USP13: variants seen among roughly 807,000 people sequenced by gnomAD.
USP13 encodes the protein ubiquitin specific peptidase 13, also known as ubiquitin carboxyl-terminal hydrolase 13.
A neutral mutation model predicts 107.8 loss-of-function variants in USP13; 68 were observed. The observed-to-expected ratio is 0.63, with a 90% CI of 0.52 to 0.77. USP13 has a LOEUF of 0.77. Among genes scored for constraint, USP13 ranks in the 30% least tolerant of loss-of-function variants. The pLI, the probability that USP13 is intolerant of heterozygous loss-of-function variation, is 0.00. For synonymous variants in USP13, 377 were observed against 389.5 expected (o/e 0.97, Z 0.38); for missense variants, 945 against 1,093.3 (o/e 0.86, Z 1.91).
At chr3:179,718,434 G>C (rs1713183712) in intron 6 of USP13, among the ~76,000 whole-genome samples, 1 of 152,084 alleles carries the variant, frequency 6.6e-6, no homozygotes, top group Admixed American at 6.5e-5. Flanking sequence ...TGGGATTACA[G>C]ATGTGAGCCA....
chr3:179,704,086 G>C (rs1196353623), intron 4 of USP13, among the ~76,000 whole-genome samples: 2 of 152,154 alleles, frequency 1.3e-5, no homozygotes, highest in Non-Finnish European at 2.9e-5. Flanking sequence ...ATAGTTCACA[G>C]TGTGATTACA....
chr3:179,769,319 A>G (rs1354737145), intron 19 of USP13, among the ~76,000 whole-genome samples: 1 of 152,246 alleles, frequency 6.6e-6, no homozygotes, highest in African/African-American at 2.4e-5. Context: ...TTAATTAGGT[A>G]TCATTTAAAT....
chr3:179,714,900 T>G (rs905094677), intron 6 of USP13, among the ~76,000 whole-genome samples: 1 of 148,704 alleles, frequency 6.7e-6, no homozygotes, highest in African/African-American at 2.5e-5. Flanking sequence ...AGGCAGGGTC[T>G]CACTCTGTTG....
chr3:179,686,124 G>A (rs1711864237), intron 2 of USP13, among the ~76,000 whole-genome samples: 1 of 152,124 alleles, frequency 6.6e-6, no homozygotes, highest in Non-Finnish European at 1.5e-5. Flanking sequence ...CTTCTAGTCT[G>A]TATCCTGTCC....
Position 179,740,264 on chromosome 3 carries a change from C to T in USP13, c.1272C>T (p.Ile424=), listed in dbSNP as rs763565449. 1.9e-5 allele frequency: 30 copies of T among 1,614,080 alleles called. 1 individual carries two copies. The Middle Eastern group carries it at 4.9e-4, about 27-fold the overall frequency. The stretch of plus-strand genomic sequence containing the variant: ...TACATTAGCCACAGCAGAACGGGAT[C>T]TCTCCGCGCATGTTTAAGGCCTTTG... ...KEEHKPQQNG[I]SPRMFKAFVS... Residue 424 remains isoleucine, a synonymous_variant, in exon 11 of 21, where the codon ATC becomes ATT. Coordinates refer to ENST00000263966, the MANE Select transcript of USP13 (RefSeq NM_003940.3).
chr3:179,756,759 C>CA (rs1317148915), intron 15 of USP13, among the ~76,000 whole-genome samples: 1 of 150,542 alleles, frequency 6.6e-6, no homozygotes, highest in Non-Finnish European at 1.5e-5. Context: ...ACACTGTCTC[C>CA]AAAAAAAAGT....
chr3:179,762,708 A>C (rs1235476517), intron 17 of USP13, among the ~76,000 whole-genome samples: 1 of 152,148 alleles, frequency 6.6e-6, no homozygotes, highest in East Asian at 1.9e-4. Context: ...TGCTGCTATA[A>C]ACATTTTTTA....
chr3:179,659,388 G>A (rs1400794052), intron 1 of USP13, among the ~76,000 whole-genome samples: 2 of 152,152 alleles, frequency 1.3e-5, no homozygotes, highest in African/African-American at 4.8e-5. Context: ...TTCAAAGCGT[G>A]CTCCCTGAAC....
intron 2 of USP13, among the ~76,000 whole-genome samples, chr3:179,690,017 C>G (rs1017190825): frequency 6.6e-6 from 1 of 152,102 alleles, no homozygotes. Context: ...TTTCCAGAAG[C>G]GTTTTCTTTA....
intron 4 of USP13, among the ~76,000 whole-genome samples, chr3:179,705,222 G>T (rs954773496): frequency 3.9e-5 from 6 of 152,178 alleles, no homozygotes; most frequent in African/African-American, 1.4e-4. Context: ...CCAGACACAT[G>T]GGAAACTGCT....
At chr3:179,733,727 G>T (rs1035946911) in intron 10 of USP13, among the ~76,000 whole-genome samples, 20 of 152,198 alleles carry the variant, frequency 1.3e-4, no homozygotes, top group Non-Finnish European at 2.9e-5. Context: ...CCATGTGGCA[G>T]AAACGCCTTT....
Position 179,742,096 on chromosome 3 carries a change from A to G in USP13, c.1381-101A>G. The G allele has an allele frequency of 1.4e-6, 2 of 1,442,766 alleles. No individual in the cohort carries two copies. The highest frequency in any genetic ancestry group is 1.9e-6 in the Non-Finnish European group (2 of 1,056,658). The allele number at this position is 1,442,766 out of a possible 1,614,324, so 89.4% of individuals were successfully genotyped here. On this transcript the variant is annotated intron_variant, in intron 11 of 20. Coordinates refer to ENST00000263966, the MANE Select transcript of USP13 (RefSeq NM_003940.3). The surrounding 1 kb of genome is among the most constrained non-coding windows in gnomAD (Gnocchi z 5.0). Reference sequence around the variant, plus strand: ...TGGGCATGGCCAGAGGAAATGTTTAATAAAGCCAAGTGTTTACACCGGGTT... The same window carrying G: ...TGGGCATGGCCAGAGGAAATGTTTAGTAAAGCCAAGTGTTTACACCGGGTT...
chr3:179,687,496 C>T (rs1380657559), intron 2 of USP13, among the ~76,000 whole-genome samples: 5 of 151,316 alleles, frequency 3.3e-5, no homozygotes, highest in Admixed American at 1.3e-4. Context: ...CCTGTCTCTA[C>T]TAAAAATACA....
intron 6 of USP13, among the ~76,000 whole-genome samples, chr3:179,714,870 CTTT>C (rs34976120): frequency 7.3e-6 from 1 of 137,460 alleles, no homozygotes. Context: ...TTTCCTTTTT[CTTT>C]TTTTTTTTTT....
chr3:179,770,030 C>T (rs536328228), intron 19 of USP13, among the ~76,000 whole-genome samples: 1 of 152,164 alleles, frequency 6.6e-6, no homozygotes, highest in African/African-American at 2.4e-5. Flanking sequence ...TTCCGGTTTC[C>T]CCAACGTTCC....
chr3:179,716,733 AATT>A (rs1320465805), intron 6 of USP13, among the ~76,000 whole-genome samples: 1 of 152,200 alleles, frequency 6.6e-6, no homozygotes, highest in Non-Finnish European at 1.5e-5. Context: ...AGAGATTACA[AATT>A]ATTATTACCA....
Position 179,765,783 on chromosome 3 carries a change from A to G in USP13, c.2348A>G (p.Asn783Ser), listed in dbSNP as rs764738460. 1.9e-5 allele frequency: 30 copies of G among 1,614,096 alleles called. No individual in the cohort carries two copies. Among genetic ancestry groups the G allele is most frequent in the Non-Finnish European group, 2.5e-5 (29 of 1,180,054 alleles). Residue 783 changes from asparagine to serine, a missense_variant, in exon 19 of 21, where the codon AAT becomes AGT. Coordinates refer to ENST00000263966, the MANE Select transcript of USP13 (RefSeq NM_003940.3). The stretch of plus-strand genomic sequence containing the variant: ...GATTTTGTGATTGAGATGGAGAATA[A>G]TGCCAATGCAAACATTATTTCTGAG... ...DSDFVIEMENNANANIISEAK... is the reference protein window; with the variant it reads ...DSDFVIEMENSANANIISEAK...
intron 2 of USP13, among the ~76,000 whole-genome samples, chr3:179,686,107 A>G (rs1711863649): frequency 1.3e-5 from 2 of 152,150 alleles, no homozygotes; most frequent in South Asian, 2.1e-4. Context: ...CTCCCTGCCC[A>G]GCAAACCTTC....
chr3:179,784,129 G>C lies in USP13; in HGVS notation c.2580G>C (p.Arg860Ser). 1 of 1,609,030 alleles carries C rather than the reference G, an allele frequency of 6.2e-7. No individual in the cohort carries two copies. The highest frequency in any genetic ancestry group is 8.5e-7 in the Non-Finnish European group (1 of 1,178,414). The change falls in exon 21 of 21, where the codon AGG becomes AGC. Residue 860 changes from arginine to serine, a missense_variant. Coordinates refer to ENST00000263966, the MANE Select transcript of USP13 (RefSeq NM_003940.3). ...KDLGYMYFYR[R>S]IPS is the part of the protein sequence containing the mutation. The stretch of plus-strand genomic sequence containing the variant: ...TGGGCTACATGTACTTTTACCGCAG[G>C]ATACCAAGCTAAACCTCAAATATAA...
Sources: gnomAD v4.1 joint callset for allele counts (sites outside exome capture counted in the v4.1 genomes callset) on GRCh38, gnomAD v4.1.1 for gene constraint, Gnocchi (gnomAD v3.1) non-coding constraint, MANE v1.5 for transcripts, NCBI Gene and HGNC (gene_info 2026-07-23, HGNC 2026-07-21) for gene names.